SHPRH: variants seen among roughly 807,000 people sequenced by gnomAD.
SHPRH encodes E3 ubiquitin-protein ligase SHPRH.
Under a neutral mutation model 202.5 loss-of-function variants are expected in SHPRH, and 106 were observed. That is an observed-to-expected ratio of 0.52 (90% CI 0.45 to 0.62). The LOEUF is 0.62. Ranked by LOEUF, SHPRH falls within the 20% of genes least tolerant of loss-of-function variation. SHPRH has a pLI of 0.00. For missense variants in SHPRH, 1,710 were observed against 2,020.0 expected (o/e 0.85, Z 2.94); for synonymous variants, 729 against 686.0 (o/e 1.06, Z -0.98).
At chr6:145,962,357 T>C (rs913486411) in intron 1 of SHPRH, among the ~76,000 whole-genome samples, 1 of 152,240 alleles carries the variant, frequency 6.6e-6, no homozygotes, top group African/African-American at 2.4e-5. Context: ...TCTAATTCCG[T>C]GGATGTATTC....
At chr6:145,881,891 C>T (rs937521174), downstream of SHPRH, among the ~76,000 whole-genome samples, 1 of 152,004 alleles carries the variant, frequency 6.6e-6, no homozygotes, top group Non-Finnish European at 1.5e-5. Context: ...ATCGCTTGAA[C>T]CCAGGAGTTC....
chr6:145,895,027 G>C (rs1175661675), intron 25 of SHPRH, 50 bp from the exon 26 acceptor site: 1 of 1,529,436 alleles, frequency 6.5e-7, no homozygotes, highest in Non-Finnish European at 9.0e-7. Context: ...ATCTAGTTAA[G>C]AACAGAATAG....
chr6:145,958,166 A>C (rs573824285), intron 1 of SHPRH, among the ~76,000 whole-genome samples: 1 of 152,318 alleles, frequency 6.6e-6, no homozygotes, highest in South Asian at 2.1e-4. Flanking sequence ...GGAAGTATAA[A>C]GAGGTGACTG....
rs552158346 is a variant in SHPRH at position 145,916,951 on chromosome 6, T to C, written c.4254+1180A>G. ...GTGTGCTACCATTCCAGCTAATTTT[T>C]TGTATCTTTAGTAGAGACAGGGTTT... On this transcript the variant is annotated intron_variant, in intron 23 of 29. Transcript: ENST00000275233. 9.3e-4 allele frequency among the ~76,000 whole-genome samples: 141 copies of C among 152,262 alleles called. 1 individual carries two copies. The highest frequency in any genetic ancestry group is 3.3e-3 in the African/African-American group (139 of 41,544).
chr6:145,944,859 A>G (rs1248589608), intron 8 of SHPRH, among the ~76,000 whole-genome samples: 1 of 151,996 alleles, frequency 6.6e-6, no homozygotes, highest in Non-Finnish European at 1.5e-5. Context: ...GAAGTTCCAG[A>G]CCTGCCTGGG....
Position 145,954,561 on chromosome 6 carries a change from A to C in SHPRH, c.633+129T>G. The C allele has an allele frequency of 4.2e-6, 4 of 958,704 alleles. No homozygotes were observed. The South Asian group carries it at 5.3e-5, about 13-fold the overall frequency. The allele number at this position is 958,704 out of a possible 1,614,324, so 59.4% of individuals were successfully genotyped here. A position where few individuals can be genotyped will look rare whatever the true frequency, so the allele number is the denominator to read the frequency against. On this transcript the variant is annotated intron_variant, in intron 2 of 29. Coordinates refer to ENST00000275233, the MANE Select transcript of SHPRH (RefSeq NM_001042683.3). The stretch of plus-strand genomic sequence containing the variant: ...TACTTTGAATAGTTATTAAAAGCTT[A>C]AAGTGTACTTTGAAACTTAACAATG...
downstream of SHPRH, chr6:145,883,411 C>G (rs537230911): frequency 1.3e-5 from 2 of 152,190 alleles, no homozygotes. Flanking sequence ...TGGCCTCTGC[C>G]AAGTACTCGT....
rs1298999339 is a variant in SHPRH at position 145,886,404 on chromosome 6, A to G, written c.*287T>C. On this transcript the variant is annotated 3_prime_UTR_variant, in exon 30 of 30. Coordinates refer to ENST00000275233, the MANE Select transcript of SHPRH (RefSeq NM_001042683.3). ...TCTTATCATAAGAAAAGTACACATT[A>G]CCTCTCTTAATTCCCTTGCATCATC... The G allele has an allele frequency of 8.0e-6, 6 of 751,672 alleles. No individual in the cohort carries two copies. Among genetic ancestry groups the G allele is most frequent in the Non-Finnish European group, 1.2e-5 (5 of 405,606 alleles). 46.6% of individuals were successfully genotyped at this position (751,672 alleles called of 1,614,324 possible). A position where few individuals can be genotyped will look rare whatever the true frequency, so the allele number is the denominator to read the frequency against.
chr6:145,930,702 G>C (rs1463113808), intron 14 of SHPRH, among the ~76,000 whole-genome samples: 1 of 152,106 alleles, frequency 6.6e-6, no homozygotes, highest in African/African-American at 2.4e-5. Flanking sequence ...CTCTTTGGTT[G>C]GGTAGTCAAT....
At position 145,945,587 on chromosome 6, in the gene SHPRH, CT is replaced by C. The variant is rs774210627; in HGVS notation, c.1371del (p.Gly458GlufsTer26). The C allele has an allele frequency of 1.2e-6, 2 of 1,612,448 alleles. No individual in the cohort carries two copies. On this transcript the variant is annotated frameshift_variant, in exon 8 of 30. Coordinates refer to ENST00000275233, the MANE Select transcript of SHPRH (RefSeq NM_001042683.3). LOFTEE classifies it high-confidence loss of function. ...LTAVKEMNGK[K>X]GVSILSIYKY... is the part of the protein sequence containing the mutation. Reference sequence around the variant, plus strand: ...TTATAGATGGAAAGGATGGACACTCCTTTTTTTCCATTCATTTCTTTCACAG... The same window carrying C: ...TTATAGATGGAAAGGATGGACACTCCTTTTTTCCATTCATTTCTTTCACAG...
At chr6:145,926,098 T>G in intron 16 of SHPRH, 106 bp downstream of exon 16, 1 of 1,024,142 alleles carries the variant, frequency 9.8e-7, no homozygotes, top group Non-Finnish European at 1.4e-6. Flanking sequence ...CAGGAAAACA[T>G]GATTACATTT....
intron 2 of SHPRH, among the ~76,000 whole-genome samples, chr6:145,878,645 G>A (rs1427948802): frequency 6.6e-6 from 1 of 152,090 alleles, no homozygotes. Flanking sequence ...ACTTTTTAAG[G>A]TTGAGTTTGC....
chr6:145,926,318 T>C, intron 15 of SHPRH, 22 bp from the exon 16 acceptor site: 2 of 1,599,918 alleles, frequency 1.3e-6, no homozygotes, highest in South Asian at 2.2e-5. Flanking sequence ...TCAAAGGCAG[T>C]AATTATGACA....
At chr6:145,889,240 AC>A (rs971297450) in intron 28 of SHPRH, among the ~76,000 whole-genome samples, 17 of 152,032 alleles carry the variant, frequency 1.1e-4, no homozygotes, top group African/African-American at 3.9e-4. Context: ...TAGACAAAGA[AC>A]CCTCAGACCA....
intron 1 of SHPRH, among the ~76,000 whole-genome samples, chr6:145,959,370 C>T (rs545315746): frequency 3.9e-5 from 6 of 152,172 alleles, no homozygotes; most frequent in African/African-American, 1.4e-4. Flanking sequence ...TTTAAATATA[C>T]AAATACTACG....
rs373186948 is a variant in SHPRH at position 145,941,647 on chromosome 6, C to A, written c.2466G>T (p.Gln822His). 5.0e-6 allele frequency: 8 copies of A among 1,613,978 alleles called. No homozygotes were observed. The highest frequency in any genetic ancestry group is 1.3e-5 in the African/African-American group (1 of 75,032). Residue 822 changes from glutamine (Q) to histidine (H), a missense_variant, in exon 10 of 30, where the codon CAG becomes CAT. Gln to His is a conservative substitution (Grantham distance 24, BLOSUM62 0). Transcript: ENST00000275233. ...EWWRICLDEA[Q>H]MVECPTVKAA... ...CTTTTACTGTGGGACACTCAACCAT[C>A]TGAGCTTCATCAAGGCAGATCCTCC... is the stretch of plus-strand genomic sequence containing the variant.
In SHPRH at chr6:145,934,129, A is replaced by G. The variant is rs1785770345; in HGVS notation, c.2990+778T>C. Among the ~76,000 whole-genome samples the G allele has an allele frequency of 1.3e-5, 2 of 152,090 alleles. 1 individual carries two copies. The highest frequency in any genetic ancestry group is 2.9e-5 in the Non-Finnish European group (2 of 68,014). On this transcript the variant is annotated intron_variant, in intron 13 of 29. Coordinates refer to ENST00000275233, the MANE Select transcript of SHPRH (RefSeq NM_001042683.3). ...TGAGACAGGAGGACTGCTTGGGGCC[A>G]GGTGTTCAGGATCAGCTCAGGCAAC...
intron 24 of SHPRH, among the ~76,000 whole-genome samples, chr6:145,912,794 ACTT>A (rs2128739545): frequency 6.6e-6 from 1 of 152,264 alleles, no homozygotes; most frequent in Non-Finnish European, 1.5e-5. Flanking sequence ...GACTATTTCT[ACTT>A]CTTCAACAGT....
chr6:145,864,985 A>T (rs1235034152), intron 2 of SHPRH, among the ~76,000 whole-genome samples: 1 of 151,388 alleles, frequency 6.6e-6, no homozygotes, highest in African/African-American at 2.4e-5. Flanking sequence ...ACACTTTGAG[A>T]CCGTGGTGCC....
Sources: gnomAD v4.1 joint callset for allele counts (sites outside exome capture counted in the v4.1 genomes callset) on GRCh38, gnomAD v4.1.1 for gene constraint, MANE v1.5 for transcripts, NCBI Gene and HGNC (gene_info 2026-07-23, HGNC 2026-07-21) for gene names.